Variants in PSD3 observed in about 807,000 individuals in gnomAD.
PSD3 encodes the protein pleckstrin and Sec7 domain containing 3.
In PSD3, 49 loss-of-function variants were observed where a neutral mutation model predicts 105.5. The observed-to-expected ratio is 0.46, with a 90% CI of 0.37 to 0.59. The LOEUF is 0.59. Among genes scored for constraint, PSD3 ranks in the 20% least tolerant of loss-of-function variants. The pLI is 0.00. For synonymous variants in PSD3, 557 were observed against 457.8 expected (o/e 1.22, Z -2.77); for missense variants, 1,561 against 1,263.8 (o/e 1.24, Z -3.57).
chr8:18,659,110 C>A (rs1809123551), intron 9 of PSD3, among the ~76,000 whole-genome samples: 1 of 152,076 alleles, frequency 6.6e-6, no homozygotes. Flanking sequence ...GCCAAGGGGA[C>A]TAGGGGGTTG....
At chr8:18,627,910 A>G (rs1331374154) in intron 11 of PSD3, among the ~76,000 whole-genome samples, 3 of 152,088 alleles carry the variant, frequency 2.0e-5, no homozygotes, top group Non-Finnish European at 4.4e-5. Context: ...ACCTTAAAAA[A>G]GCAATTATAA....
At chr8:19,070,343 A>G (rs1303653237) in intron 1 of PSD3, among the ~76,000 whole-genome samples, 3 of 147,818 alleles carry the variant, frequency 2.0e-5, no homozygotes, top group African/African-American at 7.5e-5. Context: ...TGATGTATTT[A>G]CACTATTGTA....
At chr8:18,816,081 G>A (rs1282866633) in intron 4 of PSD3, among the ~76,000 whole-genome samples, 1 of 152,162 alleles carries the variant, frequency 6.6e-6, no homozygotes, top group East Asian at 1.9e-4. Context: ...CAGATCCAAA[G>A]GGTCATCTTC....
intron 1 of PSD3, among the ~76,000 whole-genome samples, chr8:19,036,052 G>T (rs1182217528): frequency 3.9e-5 from 6 of 151,952 alleles, no homozygotes; most frequent in Non-Finnish European, 8.8e-5. Context: ...ACCATGCCCA[G>T]CCAAAAAAAA....
At chr8:18,611,936 T>G (rs573893678) in intron 11 of PSD3, among the ~76,000 whole-genome samples, 1 of 152,356 alleles carries the variant, frequency 6.6e-6, no homozygotes, top group East Asian at 1.9e-4. Flanking sequence ...ACTGTTGATC[T>G]TCATTACAGA....
At chr8:19,063,642 G>A (rs942472564) in intron 1 of PSD3, among the ~76,000 whole-genome samples, 2 of 152,168 alleles carry the variant, frequency 1.3e-5, no homozygotes, top group African/African-American at 4.8e-5. Flanking sequence ...GTATAGTAAA[G>A]ACTTTTACCC....
At chr8:18,699,374 GT>G (rs1484500761) in intron 9 of PSD3, among the ~76,000 whole-genome samples, 29 of 152,302 alleles carry the variant, frequency 1.9e-4, no homozygotes, top group African/African-American at 6.7e-4. Flanking sequence ...AACTTATACT[GT>G]GTTGGAGCCA....
chr8:18,804,391 A>T, intron 6 of PSD3, 131 bp downstream of exon 6: 1 of 769,294 alleles, frequency 1.3e-6, no homozygotes, highest in Non-Finnish European at 2.0e-6. Context: ...AACATTTTGG[A>T]GAAGGAATAC....
At chr8:18,830,372 T>C (rs555515534) in intron 4 of PSD3, among the ~76,000 whole-genome samples, 9 of 152,308 alleles carry the variant, frequency 5.9e-5, no homozygotes, top group African/African-American at 2.2e-4. Context: ...TATTTGGTGT[T>C]CCCAATTAAA....
Position 18,818,571 on chromosome 8 carries a change from G to C in PSD3, c.1635-13673C>G, listed in dbSNP as rs187273060. ...AGGTAAAAAGAGGTTAGTGACATAA[G>C]CTGGAACAGATTCAGTTATTGGGCA... On this transcript the variant is annotated intron_variant, in intron 4 of 15. Coordinates refer to ENST00000327040, the MANE Select transcript of PSD3 (RefSeq NM_015310.4). Among the ~76,000 whole-genome samples, 37 of 152,194 alleles carry C rather than the reference G, an allele frequency of 2.4e-4. No homozygotes were observed. The East Asian group carries it at 6.8e-3, about 28-fold the overall frequency.
At chr8:18,992,013 A>C (rs1337655663) in intron 1 of PSD3, among the ~76,000 whole-genome samples, 1 of 152,206 alleles carries the variant, frequency 6.6e-6, no homozygotes, top group Non-Finnish European at 1.5e-5. Context: ...CCCAAAATTG[A>C]ATCATCAGTG....
intron 4 of PSD3, among the ~76,000 whole-genome samples, chr8:18,835,809 A>G (rs11781831): frequency 0.28 from 42,464 of 152,086 alleles, 6,311 homozygotes; most frequent in Non-Finnish European, 0.31. Flanking sequence ...AAAGAGGCCA[A>G]TGCAACTGAA....
intron 1 of PSD3, among the ~76,000 whole-genome samples, chr8:18,973,772 C>G (rs1824780747): frequency 6.6e-6 from 1 of 152,164 alleles, no homozygotes; most frequent in Non-Finnish European, 1.5e-5. Flanking sequence ...TAGAGTTGGA[C>G]TAGATGAAGT....
chr8:19,077,609 G>A (rs1156912572), intron 1 of PSD3, among the ~76,000 whole-genome samples: 5 of 152,126 alleles, frequency 3.3e-5, no homozygotes, highest in South Asian at 2.1e-4. Flanking sequence ...AGTGTAAACC[G>A]ATTGCTTTGT....
chr8:18,573,879 T>C (rs1347118783), intron 13 of PSD3, among the ~76,000 whole-genome samples: 1 of 152,126 alleles, frequency 6.6e-6, no homozygotes, highest in Non-Finnish European at 1.5e-5. Context: ...GGCTGAGCCA[T>C]TCTGTAAATA....
At chr8:18,959,170 C>G (rs1823759388) in intron 1 of PSD3, among the ~76,000 whole-genome samples, 1 of 152,216 alleles carries the variant, frequency 6.6e-6, no homozygotes, top group Non-Finnish European at 1.5e-5. Flanking sequence ...ACCCGCCCGA[C>G]TCGGCCTCCC....
intron 12 of PSD3, among the ~76,000 whole-genome samples, chr8:18,591,385 G>C (rs1563355191): frequency 1.3e-5 from 2 of 152,162 alleles, no homozygotes; most frequent in South Asian, 2.1e-4. Flanking sequence ...GCACTGCTAA[G>C]AACAAAGGAA....
intron 2 of PSD3, among the ~76,000 whole-genome samples, chr8:18,924,348 T>C (rs901930248): frequency 2.0e-5 from 3 of 152,198 alleles, no homozygotes; most frequent in Non-Finnish European, 2.9e-5. Flanking sequence ...CTTGTTATTA[T>C]ACTGTAAAAT....
chr8:18,918,898 C>T (rs1357974772), intron 2 of PSD3, among the ~76,000 whole-genome samples: 3 of 152,058 alleles, frequency 2.0e-5, no homozygotes, highest in Admixed American at 6.6e-5. Context: ...AGTTCAGACC[C>T]GGGGAAGACT....
Sources: gnomAD v4.1 joint callset for allele counts (sites outside exome capture counted in the v4.1 genomes callset) on GRCh38, gnomAD v4.1.1 for gene constraint, MANE v1.5 for transcripts, NCBI Gene and HGNC (gene_info 2026-07-23, HGNC 2026-07-21) for gene names.